PKIG: variants seen among roughly 807,000 people sequenced by gnomAD.
The protein encoded by PKIG is cAMP-dependent protein kinase inhibitor gamma, also known as protein kinase (cAMP-dependent, catalytic) inhibitor gamma.
Under a neutral mutation model 6.8 loss-of-function variants are expected in PKIG, and 1 was observed. The ratio of observed to expected loss-of-function variants is 0.15; its 90% CI spans 0.05 to 0.69. The LOEUF is 0.69. Ranked by LOEUF, PKIG falls within the 30% of genes least tolerant of loss-of-function variation. PKIG has a pLI of 0.82. For missense variants in PKIG, 77 were observed against 104.0 expected, an observed-to-expected ratio of 0.74 and a Z score of 1.13; for synonymous variants, 39 against 43.0, an observed-to-expected ratio of 0.91 and a Z score of 0.36.
At chr20:44,552,413 T>G (rs1042492205) in intron 1 of PKIG, among the ~76,000 whole-genome samples, 10 of 152,338 alleles carry the variant, frequency 6.6e-5, no homozygotes, top group Admixed American at 3.3e-4. Flanking sequence ...AATAGAGAGA[T>G]GAAGCTCTCC....
intron 2 of PKIG, among the ~76,000 whole-genome samples, chr20:44,604,470 GAGAAACATT>G (rs1339472781): frequency 6.6e-6 from 1 of 152,252 alleles, no homozygotes; most frequent in Non-Finnish European, 1.5e-5. Flanking sequence ...AGAACAATTA[GAGAAACATT>G]AGAAGAGAGT....
intron 2 of PKIG, among the ~76,000 whole-genome samples, chr20:44,598,195 G>A (rs1387733440): frequency 6.6e-6 from 1 of 152,118 alleles, no homozygotes; most frequent in Admixed American, 6.5e-5. Flanking sequence ...CTCACAGCAC[G>A]GCCACCTCAG....
intron 1 of PKIG, among the ~76,000 whole-genome samples, chr20:44,565,233 T>A: frequency 6.6e-6 from 1 of 152,244 alleles, no homozygotes; most frequent in Admixed American, 6.5e-5. Flanking sequence ...CTGCTAGTGC[T>A]GGGACTATAG....
chr20:44,598,856 C>T (rs1368553091), intron 2 of PKIG: 1 of 152,166 alleles, frequency 6.6e-6, no homozygotes, highest in Non-Finnish European at 1.5e-5. Flanking sequence ...GAAGTAGTAA[C>T]ACCGCCCTGC....
chr20:44,617,592 C>T (rs2065277549), intron 3 of PKIG, among the ~76,000 whole-genome samples: 1 of 152,048 alleles, frequency 6.6e-6, no homozygotes, highest in Admixed American at 6.5e-5. Context: ...CTCTGTGAGC[C>T]TGCTGCTGCC....
At chr20:44,566,112 C>T (rs1019480148) in intron 1 of PKIG, among the ~76,000 whole-genome samples, 3 of 152,162 alleles carry the variant, frequency 2.0e-5, no homozygotes, top group Non-Finnish European at 4.4e-5. Context: ...ACTAACTACC[C>T]GCATCTCATT....
At position 44,618,635 on chromosome 20, in the gene PKIG, G is replaced by T; in HGVS notation, c.*271G>T. ...ACAAGATGTTATTTATTGAGCTGGCGCCGGGACTTGGGCGGGGCCTGCCCT... is the reference window on the plus strand; with the variant it reads ...ACAAGATGTTATTTATTGAGCTGGCTCCGGGACTTGGGCGGGGCCTGCCCT... On this transcript the variant is annotated 3_prime_UTR_variant, in exon 4 of 4. Coordinates refer to ENST00000372886, the MANE Select transcript of PKIG (RefSeq NM_001281445.2). 5.3e-6 allele frequency: 2 copies of T among 380,000 alleles called. No homozygotes were observed. The highest frequency in any genetic ancestry group is 4.8e-5 in the South Asian group (2 of 41,616). The allele number at this position is 380,000 out of a possible 1,614,324, so 23.5% of individuals were successfully genotyped here. A position where few individuals can be genotyped will look rare whatever the true frequency, so the allele number is the denominator to read the frequency against.
intron 1 of PKIG, among the ~76,000 whole-genome samples, chr20:44,536,247 T>C (rs1043988779): frequency 2.0e-5 from 3 of 152,214 alleles, no homozygotes; most frequent in Non-Finnish European, 4.4e-5. Context: ...CTTTTGGCTA[T>C]TGTGAATAAT....
intron 2 of PKIG, among the ~76,000 whole-genome samples, chr20:44,595,421 C>T (rs939489988): frequency 1.3e-5 from 2 of 152,262 alleles, no homozygotes; most frequent in Non-Finnish European, 2.9e-5. Flanking sequence ...TCTGCTTAGG[C>T]ATGAACTGGG....
chr20:44,589,921 G>A (rs1015496176), intron 2 of PKIG, 55 bp downstream of exon 2: 1 of 152,278 alleles, frequency 6.6e-6, no homozygotes, highest in Non-Finnish European at 1.5e-5. Flanking sequence ...GTTTTTGCCT[G>A]AATATCTTTA....
At chr20:44,579,509 C>T (rs561959614), upstream of PKIG, among the ~76,000 whole-genome samples, 2 of 152,314 alleles carry the variant, frequency 1.3e-5, no homozygotes, top group African/African-American at 2.4e-5. Flanking sequence ...GCAGGTTGGT[C>T]GGCTCACCAT....
At chr20:44,560,582 A>G (rs2064757639) in intron 1 of PKIG, among the ~76,000 whole-genome samples, 1 of 152,172 alleles carries the variant, frequency 6.6e-6, no homozygotes, top group East Asian at 1.9e-4. Context: ...ATATATGAGG[A>G]CAGAATTCTT....
chr20:44,573,635 C>G (rs903776991), intron 1 of PKIG, among the ~76,000 whole-genome samples: 2 of 152,196 alleles, frequency 1.3e-5, no homozygotes, highest in East Asian at 3.8e-4. Flanking sequence ...TCTCACAGGC[C>G]TCGCCCACAC....
At chr20:44,555,318 G>C (rs980250601) in intron 1 of PKIG, among the ~76,000 whole-genome samples, 2 of 152,184 alleles carry the variant, frequency 1.3e-5, no homozygotes, top group Non-Finnish European at 2.9e-5. Flanking sequence ...GTGCTTAACA[G>C]TGTACTGTCA....
rs181680939 is a variant in PKIG, at chr20:44,568,071, G to C, written c.-240-14514G>C. 3.5e-3 allele frequency among the ~76,000 whole-genome samples: 535 copies of C among 152,170 alleles called. 4 individuals are homozygous for C. Among genetic ancestry groups the C allele is most frequent in the Admixed American group, 8.9e-3 (136 of 15,266 alleles). On this transcript the variant is annotated intron_variant, in intron 1 of 4. Transcript: ENST00000372887. Reference sequence around the variant, plus strand: ...TGAAGTGGGAGGATCACCTGAGTCTGGGAGGTCGAGGCTGCACCATGATCA... The same window carrying C: ...TGAAGTGGGAGGATCACCTGAGTCTCGGAGGTCGAGGCTGCACCATGATCA...
intron 1 of PKIG, among the ~76,000 whole-genome samples, chr20:44,539,441 C>A (rs1445072894): frequency 1.4e-5 from 2 of 147,372 alleles, no homozygotes; most frequent in South Asian, 2.2e-4. Context: ...TTTTTTTGAA[C>A]GAAGTTTTGC....
intron 1 of PKIG, among the ~76,000 whole-genome samples, chr20:44,533,643 A>G (rs2064487313): frequency 1.3e-5 from 2 of 152,180 alleles, no homozygotes. Flanking sequence ...ACTGGAACTT[A>G]AAGATCAATA....
chr20:44,572,592 A>G (rs143456621), intron 1 of PKIG, among the ~76,000 whole-genome samples: 2 of 152,270 alleles, frequency 1.3e-5, no homozygotes, highest in African/African-American at 4.8e-5. Context: ...AGTGTGTTTG[A>G]TGAAATTGTC....
At chr20:44,610,478 CTCTCTCT>C (rs1243313716) in intron 2 of PKIG, among the ~76,000 whole-genome samples, 71 of 134,984 alleles carry the variant, frequency 5.3e-4, no homozygotes, top group African/African-American at 2.1e-3. Context: ...CTCTCTCTCT[CTCTCTCT>C]TCTCTCTCTC....
Sources: allele counts gnomAD v4.1 joint callset (sites outside exome capture counted in the v4.1 genomes callset), GRCh38; gene constraint gnomAD v4.1.1; transcripts MANE v1.5; gene names NCBI Gene and HGNC (gene_info 2026-07-23, HGNC 2026-07-21).